The following MLXIP variants were observed in gnomAD, a reference collection of about 807,000 sequenced individuals.
The protein encoded by MLXIP is MLX-interacting protein.
MLXIP carries 30 observed loss-of-function variants against 87.2 expected under a neutral mutation model. The observed-to-expected ratio is 0.34, with a 90% confidence interval of 0.26 to 0.47. The LOEUF is 0.47. MLXIP is among the 20% of genes least tolerant of loss of function. MLXIP has a pLI of 1.00. For synonymous variants in MLXIP, 530 were observed against 514.0 expected (o/e 1.03, Z -0.42); for missense variants, 1,002 against 1,240.1 (o/e 0.81, Z 2.88).
chr12:122,103,495 T>A (rs1359063362), intron 1 of MLXIP, among the ~76,000 whole-genome samples: 2 of 150,242 alleles, frequency 1.3e-5, no homozygotes, highest in Admixed American at 6.7e-5. Flanking sequence ...GTGCTGAGAT[T>A]ACAGGCATGA....
rs984716491 is a variant in MLXIP, at chr12:122,137,688, G to A, written c.2154+98G>A. On this transcript the variant is annotated intron_variant, in intron 12 of 16. Transcript: ENST00000319080. The surrounding 1 kb of genome is among the most constrained non-coding windows in gnomAD (Gnocchi z 4.1). Reference sequence around the variant, plus strand: ...GTCTGGAACGGAGACCTCAGACCCAGCCAGAGCTGCCCAGGCAGGGGTGGA... The same window carrying A: ...GTCTGGAACGGAGACCTCAGACCCAACCAGAGCTGCCCAGGCAGGGGTGGA... 4 of 1,539,400 alleles carry A rather than the reference G, an allele frequency of 2.6e-6. No homozygotes were observed. In the African/African-American group the frequency reaches 5.5e-5, roughly 21 times the overall value.
chr12:122,138,198 G>A lies in MLXIP; in HGVS notation c.2159G>A (p.Arg720Gln), dbSNP rs766240373. 7.5e-6 allele frequency: 12 copies of A among 1,600,906 alleles called. No individual in the cohort carries two copies. The highest frequency in any genetic ancestry group is 1.7e-5 in the Admixed American group (1 of 57,958). Residue 720 changes from arginine (R) to glutamine (Q), a missense_variant, in exon 13 of 17, where the codon CGG (arginine) becomes CAG (glutamine). Physicochemically the swap from Arg to Gln is conservative, Grantham distance 43 (BLOSUM62 1). Coordinates refer to ENST00000319080, the MANE Select transcript of MLXIP (RefSeq NM_014938.6). ...GACCAGCGGGTTCTCCAGCAGAACC[G>A]GCAGATGAAGCACATCTCAGCTGAG... The part of the protein sequence containing the change: ...DPKNVAALKN[R>Q]QMKHISAEQK...
chr12:122,135,533 T>C lies in MLXIP; in HGVS notation c.1899T>C (p.Asp633=). 1 of 1,607,284 alleles carries C rather than the reference T, an allele frequency of 6.2e-7. No individual in the cohort carries two copies. The highest frequency in any genetic ancestry group is 1.1e-5 in the South Asian group (1 of 89,998). Residue 633 remains aspartate, a synonymous_variant, in exon 11 of 17, where the codon GAT becomes GAC. Transcript: ENST00000319080. This position sits in a 1 kb window ranked among gnomAD's most constrained non-coding sequence, Gnocchi z 5.3. The part of the protein sequence containing the change: ...PEFHSSILVT[D]LGHGTSSPPA... ...TCCACAGCAGCATCCTGGTGACAGA[T>C]CTCGGCCATGGCACGAGCAGCCCGC...
At position 122,130,010 on chromosome 12, in the gene MLXIP, C is replaced by G; in HGVS notation, c.808C>G (p.Pro270Ala). The G allele has an allele frequency of 6.2e-7, 1 of 1,614,038 alleles. No individual in the cohort carries two copies. Among genetic ancestry groups the G allele is most frequent in the Non-Finnish European group, 8.5e-7 (1 of 1,179,884 alleles). ...WKTPVPMEED[P>A]LLDTDMLMSE... is the part of the protein sequence containing the mutation. ...GACCCCCGTCCCCATGGAGGAGGAT[C>G]CCCTGCTGGACACAGACATGCTCAT... Residue 270 changes from proline to alanine, a missense_variant, in exon 6 of 17, where the codon CCC becomes GCC. Pro to Ala is a conservative substitution (Grantham distance 27). Coordinates refer to ENST00000319080, the MANE Select transcript of MLXIP (RefSeq NM_014938.6).
chr12:122,135,447 A>C lies in MLXIP; in HGVS notation c.1855-42A>C. 6.2e-7 allele frequency: 1 copy of C among 1,608,390 alleles called. No individual in the cohort carries two copies. Among genetic ancestry groups the C allele is most frequent in the Non-Finnish European group, 8.5e-7 (1 of 1,177,526 alleles). On this transcript the variant is annotated intron_variant, in intron 10 of 16. Transcript: ENST00000319080. The surrounding 1 kb of genome is among the most constrained non-coding windows in gnomAD (Gnocchi z 5.3). ...GACGACTGGTGTGCCGCCCTGCTGT[A>C]TATCAGCAGTCAGGGGTGACCTGTC...
intron 4 of MLXIP, 87 bp from the exon 5 acceptor site, chr12:122,129,501 G>A (rs1403064800): frequency 6.7e-7 from 1 of 1,490,124 alleles, no homozygotes; most frequent in East Asian, 2.4e-5. Context: ...ACCCCTACCT[G>A]CCTCCCTGAG....
intron 1 of MLXIP, among the ~76,000 whole-genome samples, chr12:122,109,388 G>A (rs1002119778): frequency 2.0e-5 from 3 of 152,238 alleles, no homozygotes; most frequent in Admixed American, 6.5e-5. Context: ...ATTCTTAGTA[G>A]TGATGGGGTT....
intron 1 of MLXIP, among the ~76,000 whole-genome samples, chr12:122,102,896 GT>G (rs1299768402): frequency 1.3e-5 from 2 of 152,364 alleles, no homozygotes; most frequent in East Asian, 3.9e-4. Context: ...TGGATCAATA[GT>G]TGTTTAGGGT....
chr12:122,127,850 C>G, intron 2 of MLXIP, 33 bp from the exon 3 acceptor site: 1 of 1,594,576 alleles, frequency 6.3e-7, no homozygotes, highest in East Asian at 2.2e-5. Flanking sequence ...GGGTCTGGAT[C>G]ATGGTGCTGA....
At position 122,081,795 on chromosome 12, in the gene MLXIP, C is replaced by T. The variant is rs1011190626; in HGVS notation, c.413+2529C>T. 5.3e-5 allele frequency among the ~76,000 whole-genome samples: 8 copies of T among 152,190 alleles called. No homozygotes were observed. The East Asian group carries it at 5.8e-4, about 11-fold the overall frequency. ...GCTGTCTGGGTCCTCCCCTCCTGCC[C>T]GAGCTGAGAAAGGCCAGCTGGGTCT... On this transcript the variant is annotated intron_variant, in intron 1 of 16. Coordinates refer to ENST00000319080, the MANE Select transcript of MLXIP (RefSeq NM_014938.6).
intron 1 of MLXIP, among the ~76,000 whole-genome samples, chr12:122,126,860 A>G (rs1952889222): frequency 6.6e-6 from 1 of 152,210 alleles, no homozygotes; most frequent in South Asian, 2.1e-4. Context: ...AATGTGAATA[A>G]CAATGAACAG....
Position 122,146,846 on chromosome 12 carries a change from AC to A in MLXIP, c.*5035del, listed in dbSNP as rs796326814. 32 of 152,242 alleles carry A rather than the reference AC, an allele frequency of 2.1e-4. No individual in the cohort carries two copies. The highest frequency in any genetic ancestry group is 7.5e-4 in the African/African-American group (31 of 41,534). 9.4% of individuals were successfully genotyped at this position (152,242 alleles called of 1,614,324 possible). ...TTGAGGTTGTGGAGGGTTGGGAGAA[AC>A]TGAAGTTCTATACATTTCCATAGAG... On this transcript the variant is annotated 3_prime_UTR_variant, in exon 17 of 17. Coordinates refer to ENST00000319080, the MANE Select transcript of MLXIP (RefSeq NM_014938.6).
chr12:122,093,337 CTGTGTATTG>C (rs1230129603), intron 1 of MLXIP, among the ~76,000 whole-genome samples: 1 of 117,392 alleles, frequency 8.5e-6, no homozygotes, highest in Non-Finnish European at 1.7e-5. Context: ...TTTGCAGTGT[CTGTGTATTG>C]TGTGTGTTGG....
intron 15 of MLXIP, 28 bp downstream of exon 15, chr12:122,138,966 C>T (rs1953147073): frequency 9.3e-6 from 15 of 1,612,714 alleles, no homozygotes; most frequent in Non-Finnish European, 1.2e-5. Context: ...TTTTGCTCTT[C>T]CCGGCCCTCA....
intron 1 of MLXIP, among the ~76,000 whole-genome samples, chr12:122,089,057 CTG>C (rs942340512): frequency 6.6e-6 from 1 of 150,628 alleles, no homozygotes; most frequent in Non-Finnish European, 1.5e-5. Flanking sequence ...TGGTGCCTGT[CTG>C]TAATCCCAGC....
intron 15 of MLXIP, among the ~76,000 whole-genome samples, chr12:122,139,733 T>TA (rs1171189915): frequency 6.6e-5 from 10 of 152,158 alleles, no homozygotes; most frequent in African/African-American, 2.4e-4. Flanking sequence ...AGTGCAGTGG[T>TA]ACAATCACAG....
intron 9 of MLXIP, chr12:122,134,716 C>T (rs1452253463): frequency 3.3e-5 from 5 of 152,578 alleles, no homozygotes; most frequent in African/African-American, 1.3e-4. Context: ...CTGTTATTGC[C>T]CAGGCTGGAG....
chr12:122,143,748 C>A lies in MLXIP; in HGVS notation c.*1936C>A, dbSNP rs1953251183. The A allele has an allele frequency of 6.6e-6, 1 of 152,168 alleles. No homozygotes were observed. The highest frequency in any genetic ancestry group is 2.4e-5 in the African/African-American group (1 of 41,430). The allele number at this position is 152,168 out of a possible 1,614,324, so 9.4% of individuals were successfully genotyped here. A position where few individuals can be genotyped will look rare whatever the true frequency, so the allele number is the denominator to read the frequency against. ...CTCTCCTAAATCAGTGGCTTTCTCCCCACCCCTTGCTGGGGAGTCATTTTT... is the reference window on the plus strand; with the variant it reads ...CTCTCCTAAATCAGTGGCTTTCTCCACACCCCTTGCTGGGGAGTCATTTTT... On this transcript the variant is annotated 3_prime_UTR_variant, in exon 17 of 17. Transcript: ENST00000319080.
At chr12:122,104,825 C>T (rs562268536) in intron 1 of MLXIP, among the ~76,000 whole-genome samples, 1 of 152,052 alleles carries the variant, frequency 6.6e-6, no homozygotes, top group Admixed American at 6.6e-5. Flanking sequence ...TGTGATCTGC[C>T]CACCTCGGCG....
Sources: allele counts gnomAD v4.1 joint callset (sites outside exome capture counted in the v4.1 genomes callset), GRCh38; gene constraint gnomAD v4.1.1; non-coding constraint Gnocchi (gnomAD v3.1); transcripts MANE v1.5; gene names NCBI Gene and HGNC (gene_info 2026-07-23, HGNC 2026-07-21).